Variants in RNF14 observed in about 807,000 individuals in gnomAD.
The protein encoded by RNF14 is E3 ubiquitin-protein ligase RNF14.
RNF14 carries 26 observed loss-of-function variants against 52.6 expected under a neutral mutation model. The observed-to-expected ratio is 0.49, with a 90% CI of 0.36 to 0.69. The LOEUF is 0.69. Ranked by LOEUF, RNF14 falls within the 30% of genes least tolerant of loss-of-function variation. The pLI is 0.00. For missense variants in RNF14, 404 were observed against 560.4 expected, an observed-to-expected ratio of 0.72 and a Z score of 2.82; for synonymous variants, 194 against 202.0, an observed-to-expected ratio of 0.96 and a Z score of 0.34.
chr5:141,956,219 G>T, upstream of RNF14: 1 of 1,614,220 alleles, frequency 6.2e-7, no homozygotes, highest in East Asian at 2.2e-5. Context: ...CTGGATGCAA[G>T]CATGGGTTGC....
chr5:141,965,817 TAGAGGATG>T (rs1213689272), upstream of RNF14, among the ~76,000 whole-genome samples: 3 of 151,250 alleles, frequency 2.0e-5, no homozygotes, highest in South Asian at 4.2e-4. Context: ...TACTACAGGG[TAGAGGATG>T]AGAGGATGAG....
chr5:141,960,865 G>A (rs575296296), intron 1 of RNF14, among the ~76,000 whole-genome samples: 1 of 152,162 alleles, frequency 6.6e-6, no homozygotes, highest in Non-Finnish European at 1.5e-5. Context: ...AGTAATGCAG[G>A]GGAGCTTTGA....
In RNF14 at chr5:141,971,573, TTCTTTCTTTCTTTC is replaced by T. The variant is rs1753763927; in HGVS notation, c.-7+698_-7+711del. 6.7e-3 allele frequency among the ~76,000 whole-genome samples: 26 copies of T among 3,852 alleles called. No homozygotes were observed. The East Asian group carries it at 0.36, about 53-fold the overall frequency. The allele number at this position is 3,852 out of a possible 152,430, so 2.5% of individuals were successfully genotyped here. ...TTGTAGCTAATTTCTTTTTCTTTCTTTCTTTCTTTCTTTCTTTCTTTCTTTCTTTCTTTCTTTCC... is the reference window on the plus strand; with the variant it reads ...TTGTAGCTAATTTCTTTTTCTTTCTTTTTCTTTCTTTCTTTCTTTCTTTCC... On this transcript the variant is annotated intron_variant, in intron 2 of 8. Coordinates refer to ENST00000394520, the MANE Select transcript of RNF14 (RefSeq NM_004290.5).
At chr5:141,976,884 G>T (rs1254531570) in intron 4 of RNF14, among the ~76,000 whole-genome samples, 1 of 150,042 alleles carries the variant, frequency 6.7e-6, no homozygotes, top group African/African-American at 2.5e-5. Context: ...TGCCTAGTGG[G>T]TTCAAGTGGT....
At chr5:141,964,462 CTA>C (rs1419266822), upstream of RNF14, among the ~76,000 whole-genome samples, 1 of 152,104 alleles carries the variant, frequency 6.6e-6, no homozygotes, top group Non-Finnish European at 1.5e-5. Flanking sequence ...GATGATGGTG[CTA>C]TGTTATAGGG....
At position 141,990,128 on chromosome 5, in the gene RNF14, A is replaced by G. The variant is rs1755509881; in HGVS notation, c.*2338A>G. Reference sequence around the variant, plus strand: ...GCTTATAAAGTTATACTTTTGAAGCATGAGTTATGAGCTAATTTTAAGATG... The same window carrying G: ...GCTTATAAAGTTATACTTTTGAAGCGTGAGTTATGAGCTAATTTTAAGATG... On this transcript the variant is annotated 3_prime_UTR_variant, in exon 9 of 9. Transcript: ENST00000394520. 2.0e-5 allele frequency: 3 copies of G among 152,222 alleles called. No homozygotes were observed. Among genetic ancestry groups the G allele is most frequent in the African/African-American group, 7.2e-5 (3 of 41,448 alleles). 9.4% of individuals were successfully genotyped at this position (152,222 alleles called of 1,614,324 possible). A position where few individuals can be genotyped will look rare whatever the true frequency, so the allele number is the denominator to read the frequency against.
Position 141,988,063 on chromosome 5 carries a change from G to A in RNF14, c.*273G>A. ...TATAATGTGCCCAAAGCTCTGAATA[G>A]TTAAAAATTAAATATTTATTTTCTT... On this transcript the variant is annotated 3_prime_UTR_variant, in exon 9 of 9. Transcript: ENST00000394520. The A allele has an allele frequency of 2.8e-6, 1 of 358,808 alleles. No individual in the cohort carries two copies. The highest frequency in any genetic ancestry group is 4.8e-5 in the East Asian group (1 of 20,790). 22.2% of individuals were successfully genotyped at this position (358,808 alleles called of 1,614,324 possible).
rs1390914145 is a variant in RNF14 at position 141,987,715 on chromosome 5, C to CT, written c.1368-12dup. On this transcript the variant is annotated splice_polypyrimidine_tract_variant and intron_variant, in intron 8 of 8. Transcript: ENST00000394520. Reference sequence around the variant, plus strand: ...TTCGTTCAAGTGTATAAAAATGTACCTTTTTTAATGCTTCCAGGCTGTTTT... The same window carrying CT: ...TTCGTTCAAGTGTATAAAAATGTACCTTTTTTTAATGCTTCCAGGCTGTTTT... The CT allele has an allele frequency of 1.2e-6, 2 of 1,612,934 alleles. No homozygotes were observed. Among genetic ancestry groups the CT allele is most frequent in the African/African-American group, 1.3e-5 (1 of 74,816 alleles).
At chr5:141,956,360 G>A (rs780920819), upstream of RNF14, 73 of 1,614,064 alleles carry the variant, frequency 4.5e-5, no homozygotes, top group Admixed American at 2.3e-4. Context: ...TCCTGGATGC[G>A]GTATGAGACT....
chr5:141,952,952 T>C, the RNF14 span: 2 of 152,202 alleles, frequency 1.3e-5, no homozygotes, highest in Non-Finnish European at 2.9e-5. Flanking sequence ...GAAGAGGAGA[T>C]GGCCAGGACT....
chr5:141,969,664 T>C (rs1314482744), intron 1 of RNF14: 1 of 152,298 alleles, frequency 6.6e-6, no homozygotes, highest in Non-Finnish European at 1.5e-5. Context: ...TCTTGTAGGG[T>C]AGGTCATGAG....
At chr5:141,964,739 G>A (rs556996417), upstream of RNF14, among the ~76,000 whole-genome samples, 34 of 151,106 alleles carry the variant, frequency 2.3e-4, no homozygotes, top group South Asian at 4.2e-4. Context: ...TCGGCCTCCC[G>A]AGTAGCTGGG....
intron 6 of RNF14, among the ~76,000 whole-genome samples, chr5:141,981,121 C>T (rs984489073): frequency 6.6e-6 from 1 of 152,134 alleles, no homozygotes; most frequent in Admixed American, 6.5e-5. Flanking sequence ...CACAAAATTG[C>T]AGCTAGAGCA....
intron 4 of RNF14, among the ~76,000 whole-genome samples, chr5:141,976,011 C>T (rs1355971223): frequency 6.6e-6 from 1 of 151,972 alleles, no homozygotes; most frequent in Admixed American, 6.6e-5. Context: ...TTGGATCATA[C>T]AGTTTTCATT....
the RNF14 span, chr5:141,951,375 C>G: frequency 2.7e-6 from 2 of 747,782 alleles, no homozygotes; most frequent in East Asian, 5.0e-5. Flanking sequence ...GTCTGCTGCA[C>G]CCTCCCAGGG....
At chr5:141,982,392 A>C (rs1421917282) in intron 6 of RNF14, among the ~76,000 whole-genome samples, 2 of 152,218 alleles carry the variant, frequency 1.3e-5, no homozygotes, top group Admixed American at 6.5e-5. Context: ...AAGAATTCAC[A>C]GGTGAAAGCA....
chr5:141,979,224 G>GTTTTGTTGTTGTTGTTGTTGTTGT (rs369460007), intron 5 of RNF14, among the ~76,000 whole-genome samples: 1 of 72,040 alleles, frequency 1.4e-5, no homozygotes, highest in Non-Finnish European at 2.9e-5. Context: ...GCCTACTTAG[G>GTTTTGTTGTTGTTGTTGTTGTTGT]TGGTGGTGGT....
the RNF14 span, among the ~76,000 whole-genome samples, chr5:141,952,214 G>C: frequency 6.6e-6 from 1 of 152,204 alleles, no homozygotes; most frequent in Non-Finnish European, 1.5e-5. Flanking sequence ...AGGGAGGCTG[G>C]CTGGAGATCA....
At chr5:141,974,484 A>G (rs560338643) in intron 3 of RNF14, among the ~76,000 whole-genome samples, 16 of 152,314 alleles carry the variant, frequency 1.1e-4, no homozygotes, top group African/African-American at 3.8e-4. Context: ...TCAATCATCC[A>G]CTGTAAACCA....
Sources: gnomAD v4.1 joint callset for allele counts (sites outside exome capture counted in the v4.1 genomes callset) on GRCh38, gnomAD v4.1.1 for gene constraint, MANE v1.5 for transcripts, NCBI Gene and HGNC (gene_info 2026-07-23, HGNC 2026-07-21) for gene names.